The following PRKAR2A variants were observed in gnomAD, a reference collection of about 807,000 sequenced individuals.
PRKAR2A encodes the protein cAMP-dependent protein kinase type II-alpha regulatory subunit.
Under a neutral mutation model 51.9 loss-of-function variants are expected in PRKAR2A, and 29 were observed. The observed-to-expected ratio is 0.56, with a 90% CI of 0.42 to 0.76. PRKAR2A has a LOEUF of 0.76. Ranked by LOEUF, PRKAR2A falls within the 30% of genes least tolerant of loss-of-function variation. The probability of loss-of-function intolerance (pLI) is 0.00; values close to 1 mark genes in which losing one functional copy is unlikely to be tolerated. For synonymous variants in PRKAR2A, 178 were observed against 186.2 expected (o/e 0.96, Z 0.36); for missense variants, 445 against 512.1 (o/e 0.87, Z 1.26).
chr3:48,821,363 C>CTT (rs1455894688), intron 1 of PRKAR2A, among the ~76,000 whole-genome samples: 20 of 152,212 alleles, frequency 1.3e-4, no homozygotes, highest in Admixed American at 1.3e-3. Flanking sequence ...TCCCCACTCC[C>CTT]TTCCAGCTAT....
At chr3:48,753,355 G>A (rs191921828) in intron 9 of PRKAR2A, among the ~76,000 whole-genome samples, 1 of 151,418 alleles carries the variant, frequency 6.6e-6, no homozygotes, top group Non-Finnish European at 1.5e-5. Context: ...TAATTGTTTA[G>A]AATTTATTAG....
intron 3 of PRKAR2A, among the ~76,000 whole-genome samples, chr3:48,793,044 C>T (rs2107319131): frequency 6.6e-6 from 1 of 151,670 alleles, no homozygotes; most frequent in South Asian, 2.1e-4. Flanking sequence ...GCCACAACCA[C>T]TGTTAACATC....
chr3:48,816,445 C>G (rs1459363608), intron 1 of PRKAR2A, among the ~76,000 whole-genome samples: 1 of 151,470 alleles, frequency 6.6e-6, no homozygotes, highest in Non-Finnish European at 1.5e-5. Context: ...TAGAGACCAT[C>G]CTGGCCAACA....
chr3:48,814,906 TTTTG>T (rs1357646232), intron 1 of PRKAR2A, among the ~76,000 whole-genome samples: 5 of 152,064 alleles, frequency 3.3e-5, no homozygotes, highest in Non-Finnish European at 5.9e-5. Context: ...TACCAGTTCT[TTTTG>T]TTTGTTTTGT....
chr3:48,812,812 C>T (rs958324659), intron 1 of PRKAR2A, among the ~76,000 whole-genome samples: 2 of 152,148 alleles, frequency 1.3e-5, no homozygotes, highest in Non-Finnish European at 2.9e-5. Flanking sequence ...TTATTTGATA[C>T]CTTATGTTCT....
At chr3:48,846,944 T>A (rs1029565896) in intron 1 of PRKAR2A, among the ~76,000 whole-genome samples, 3 of 152,204 alleles carry the variant, frequency 2.0e-5, no homozygotes, top group Admixed American at 6.5e-5. Context: ...TCAAAAAAAA[T>A]TATTATTTCC....
chr3:48,781,983 C>G (rs750565251), intron 5 of PRKAR2A, among the ~76,000 whole-genome samples: 1 of 152,166 alleles, frequency 6.6e-6, no homozygotes. Context: ...TTTTCTGTAA[C>G]TCTGAAATTA....
intron 5 of PRKAR2A, among the ~76,000 whole-genome samples, chr3:48,781,779 G>A (rs1471355161): frequency 1.3e-5 from 2 of 152,068 alleles, no homozygotes; most frequent in African/African-American, 4.8e-5. Context: ...CCAAAGTGCT[G>A]GGATTACAGG....
At chr3:48,767,653 A>G (rs551354068) in intron 6 of PRKAR2A, among the ~76,000 whole-genome samples, 1 of 152,238 alleles carries the variant, frequency 6.6e-6, no homozygotes, top group South Asian at 2.1e-4. Flanking sequence ...GGCTGGACGC[A>G]GTGGCTCACA....
chr3:48,829,276 T>G (rs1402521223), intron 1 of PRKAR2A, among the ~76,000 whole-genome samples: 1 of 151,190 alleles, frequency 6.6e-6, no homozygotes, highest in Non-Finnish European at 1.5e-5. Flanking sequence ...CCCAGCGCTT[T>G]GGGAGGCCCA....
At chr3:48,834,379 A>G (rs772850649) in intron 1 of PRKAR2A, among the ~76,000 whole-genome samples, 18 of 152,136 alleles carry the variant, frequency 1.2e-4, no homozygotes, top group Non-Finnish European at 2.2e-4. Context: ...AAAAACAATA[A>G]CAAACAAAAA....
intron 1 of PRKAR2A, 33 bp from the exon 2 acceptor site, chr3:48,807,717 TTA>T (rs1559632870): frequency 1.9e-6 from 3 of 1,586,306 alleles, no homozygotes; most frequent in Non-Finnish European, 2.6e-6. Context: ...TTAGTCATTA[TTA>T]TGTCACCAGG....
chr3:48,811,723 G>A (rs1161790047), intron 1 of PRKAR2A, among the ~76,000 whole-genome samples: 3 of 152,072 alleles, frequency 2.0e-5, no homozygotes. Context: ...TTCAACTAGA[G>A]AGCTGCCGTG....
intron 1 of PRKAR2A, among the ~76,000 whole-genome samples, chr3:48,835,786 C>CA (rs989641624): frequency 4.9e-4 from 67 of 136,398 alleles, no homozygotes; most frequent in South Asian, 6.9e-4. Flanking sequence ...GACTCAGTCT[C>CA]AAAAAAAAAA....
intron 3 of PRKAR2A, 66 bp from the exon 4 acceptor site, chr3:48,790,693 G>T: frequency 9.7e-7 from 1 of 1,026,084 alleles, no homozygotes; most frequent in Non-Finnish European, 1.3e-6. Context: ...TTAAAGATTG[G>T]TATATTTGTT....
intron 1 of PRKAR2A, among the ~76,000 whole-genome samples, chr3:48,809,436 C>CA (rs575602134): frequency 0.017 from 2,520 of 146,054 alleles, 66 homozygotes; most frequent in African/African-American, 0.058. Flanking sequence ...ACTAAAAATA[C>CA]AAAAAAAAAA....
At chr3:48,759,384 CT>C (rs1246199187) in intron 8 of PRKAR2A, among the ~76,000 whole-genome samples, 1,503 of 138,274 alleles carry the variant, frequency 0.011, 10 homozygotes, top group Non-Finnish European at 0.017. Flanking sequence ...CATCCTGCCC[CT>C]TTTTTTTTTT....
intron 5 of PRKAR2A, among the ~76,000 whole-genome samples, chr3:48,774,874 A>G (rs1459758645): frequency 1.3e-5 from 2 of 151,872 alleles, no homozygotes; most frequent in Admixed American, 1.3e-4. Context: ...TGCATTGACT[A>G]TAACCTCCAG....
chr3:48,804,859 A>G (rs892221711), intron 2 of PRKAR2A, among the ~76,000 whole-genome samples: 1 of 152,198 alleles, frequency 6.6e-6, no homozygotes, highest in African/African-American at 2.4e-5. Context: ...GGATTGTTAG[A>G]TGACTAAAAC....
Sources: gnomAD v4.1 joint callset for allele counts (sites outside exome capture counted in the v4.1 genomes callset) on GRCh38, gnomAD v4.1.1 for gene constraint, MANE v1.5 for transcripts, NCBI Gene and HGNC (gene_info 2026-07-23, HGNC 2026-07-21) for gene names.